The following MBD5 variants were observed in gnomAD, a reference collection of about 807,000 sequenced individuals.
MBD5 encodes methyl-CpG binding domain protein 5.
A neutral mutation model predicts 117.3 loss-of-function variants in MBD5; 13 were observed. The ratio of observed to expected loss-of-function variants is 0.11; its 90% CI spans 0.07 to 0.18. The LOEUF (loss-of-function observed/expected upper bound fraction) is 0.18, where lower values mean the gene tolerates loss of function less well. MBD5 is among the 10% of genes least tolerant of loss of function. The probability of loss-of-function intolerance (pLI) is 1.00; values close to 1 mark genes in which losing one functional copy is unlikely to be tolerated. For missense variants in MBD5, 1,879 were observed against 2,093.8 expected, an observed-to-expected ratio of 0.90 and a Z score of 2.00; for synonymous variants, 727 against 766.4, an observed-to-expected ratio of 0.95 and a Z score of 0.85.
At chr2:148,050,529 T>C (rs572247482) in intron 1 of MBD5, among the ~76,000 whole-genome samples, 2 of 152,308 alleles carry the variant, frequency 1.3e-5, no homozygotes, top group African/African-American at 4.8e-5. Context: ...TTTCACTCTC[T>C]ATAATGTCAT....
intron 10 of MBD5, among the ~76,000 whole-genome samples, chr2:148,487,149 G>C (rs1681363549): frequency 6.6e-6 from 1 of 152,210 alleles, no homozygotes. Context: ...CTGTAAGACT[G>C]CAAGACTCCA....
intron 3 of MBD5, among the ~76,000 whole-genome samples, chr2:148,257,934 T>TA (rs1441418915): frequency 1.3e-5 from 2 of 152,212 alleles, no homozygotes; most frequent in African/African-American, 4.8e-5. Context: ...AAGAGGGTGT[T>TA]ACTTTTTTCA....
intron 3 of MBD5, among the ~76,000 whole-genome samples, chr2:148,321,100 A>G (rs1288278405): frequency 6.6e-6 from 1 of 152,346 alleles, no homozygotes; most frequent in Non-Finnish European, 1.5e-5. Flanking sequence ...GGTAAAATAT[A>G]CTGGATTGAA....
chr2:148,071,887 A>G (rs1337679713), intron 1 of MBD5: 1 of 152,222 alleles, frequency 6.6e-6, no homozygotes, highest in Non-Finnish European at 1.5e-5. Flanking sequence ...TAGGTTTTGT[A>G]ATCATTAAGT....
At chr2:148,153,818 G>T in intron 1 of MBD5, among the ~76,000 whole-genome samples, 1 of 112,084 alleles carries the variant, frequency 8.9e-6, no homozygotes, top group Non-Finnish European at 1.8e-5. Context: ...TCTCTGTATT[G>T]GTTATTCTAG....
intron 12 of MBD5, among the ~76,000 whole-genome samples, chr2:148,509,453 T>G (rs1024451354): frequency 6.6e-6 from 1 of 152,202 alleles, no homozygotes; most frequent in African/African-American, 2.4e-5. Flanking sequence ...CCGTCATTCT[T>G]TATCTGTTCA....
chr2:148,490,140 A>G lies in MBD5; in HGVS notation c.4508A>G (p.Lys1503Arg). The G allele has an allele frequency of 1.2e-6, 2 of 1,614,114 alleles. No individual in the cohort carries two copies. Among genetic ancestry groups the G allele is most frequent in the South Asian group, 1.1e-5 (1 of 91,064 alleles). The change falls in exon 11 of 14, where the codon AAA (lysine) becomes AGA (arginine). Residue 1503 changes from lysine (K) to arginine (R), a missense_variant. Coordinates refer to ENST00000642680, the MANE Select transcript of MBD5 (RefSeq NM_001378120.1). ...GAAAATTTCAGGTATAATAACTACA[A>G]AAGAACTATGATGAGTTTTAAGGAG... ...LEENFRYNNY[K>R]RTMMSFKERL...
intron 3 of MBD5, among the ~76,000 whole-genome samples, chr2:148,271,027 C>T (rs1316252728): frequency 2.0e-5 from 3 of 152,002 alleles, no homozygotes; most frequent in Non-Finnish European, 4.4e-5. Flanking sequence ...TGAGCTCAGC[C>T]TCATATCTCA....
intron 1 of MBD5, among the ~76,000 whole-genome samples, chr2:148,164,145 G>T (rs1698073411): frequency 6.6e-6 from 1 of 152,164 alleles, no homozygotes; most frequent in Non-Finnish European, 1.5e-5. Flanking sequence ...TTAAAAGGAG[G>T]AAGTTGGAAC....
chr2:148,176,482 G>A (rs1334244375), intron 1 of MBD5, among the ~76,000 whole-genome samples: 4 of 151,154 alleles, frequency 2.6e-5, no homozygotes, highest in South Asian at 4.2e-4. Flanking sequence ...TCAGCTCACC[G>A]CAACCTCTGT....
chr2:148,468,457 A>C lies in MBD5; in HGVS notation c.514A>C (p.Ile172Leu). The part of the protein sequence containing the change: ...PECKNPFKLM[I>L]GSSNAMGRLY... ...ATGTAAGAATCCTTTCAAGTTAATG[A>C]TTGGATCATCAAATGCCATGGGAAG... The change falls in exon 8 of 14, where the codon ATT becomes CTT. Residue 172 changes from isoleucine to leucine, a missense_variant. Ile to Leu is a conservative substitution (Grantham distance 5). Coordinates refer to ENST00000642680, the MANE Select transcript of MBD5 (RefSeq NM_001378120.1). 6.2e-7 allele frequency: 1 copy of C among 1,613,872 alleles called. No homozygotes were observed. The highest frequency in any genetic ancestry group is 1.7e-5 in the Admixed American group (1 of 59,994).
At chr2:148,239,686 TACACACACACACAC>T (rs34980624) in intron 3 of MBD5, among the ~76,000 whole-genome samples, 1 of 141,476 alleles carries the variant, frequency 7.1e-6, no homozygotes, top group Non-Finnish European at 1.5e-5. Flanking sequence ...TTTATTTACT[TACACACACACACAC>T]ACACACACAC....
intron 2 of MBD5, among the ~76,000 whole-genome samples, chr2:148,205,866 A>C (rs1699264538): frequency 1.3e-5 from 2 of 152,068 alleles, no homozygotes; most frequent in African/African-American, 4.8e-5. Context: ...CCTGTACAAA[A>C]ATACAAAAAT....
At chr2:148,154,555 C>A (rs1697808135) in intron 1 of MBD5, among the ~76,000 whole-genome samples, 1 of 152,222 alleles carries the variant, frequency 6.6e-6, no homozygotes, top group Non-Finnish European at 1.5e-5. Flanking sequence ...GCAATTTGAT[C>A]TCAGGCTGCT....
intron 3 of MBD5, among the ~76,000 whole-genome samples, chr2:148,318,266 G>A (rs1022547442): frequency 2.0e-5 from 3 of 151,070 alleles, no homozygotes; most frequent in Non-Finnish European, 4.4e-5. Flanking sequence ...TTTGAATAAT[G>A]TCTGCTCATT....
chr2:148,223,213 T>C (rs972757936), intron 2 of MBD5, among the ~76,000 whole-genome samples: 1 of 152,182 alleles, frequency 6.6e-6, no homozygotes, highest in African/African-American at 2.4e-5. Flanking sequence ...TCAGAAATAC[T>C]GGCCTGTGGT....
chr2:148,394,457 A>G (rs1392201063), intron 4 of MBD5, among the ~76,000 whole-genome samples: 1 of 150,678 alleles, frequency 6.6e-6, no homozygotes, highest in African/African-American at 2.4e-5. Context: ...CAAATATTTT[A>G]GTATATAATT....
chr2:148,328,498 G>T (rs1702532543), intron 3 of MBD5, among the ~76,000 whole-genome samples: 1 of 152,188 alleles, frequency 6.6e-6, no homozygotes, highest in African/African-American at 2.4e-5. Context: ...GCCAGACTCT[G>T]TGGGCGTAGG....
chr2:148,152,195 G>A (rs1448769696), intron 1 of MBD5, among the ~76,000 whole-genome samples: 1 of 152,070 alleles, frequency 6.6e-6, no homozygotes, highest in Non-Finnish European at 1.5e-5. Flanking sequence ...ATCTCGTTAT[G>A]TACCCAGTAG....
Sources: gnomAD v4.1 joint callset for allele counts (sites outside exome capture counted in the v4.1 genomes callset) on GRCh38, gnomAD v4.1.1 for gene constraint, MANE v1.5 for transcripts, NCBI Gene and HGNC (gene_info 2026-07-23, HGNC 2026-07-21) for gene names.